The following PMF1 variants were observed in gnomAD, a reference collection of about 807,000 sequenced individuals.
PMF1 encodes the protein polyamine modulated factor 1, also known as polyamine-modulated factor 1.
PMF1 carries 21 observed loss-of-function variants against 26.7 expected under a neutral mutation model. The ratio of observed to expected loss-of-function variants is 0.79; its 90% CI spans 0.56 to 1.13. PMF1 has a LOEUF of 1.13. PMF1 is among the 50% of genes most tolerant of loss of function. The pLI, the probability that PMF1 is intolerant of heterozygous loss-of-function variation, is 0.00. For synonymous variants in PMF1, 105 were observed against 101.0 expected, an observed-to-expected ratio of 1.04 and a Z score of -0.24; for missense variants, 266 against 254.9, an observed-to-expected ratio of 1.04 and a Z score of -0.30.
At chr1:156,236,242 G>T (rs766739777) in intron 3 of PMF1, 46 bp from the exon 4 acceptor site, 1 of 1,567,676 alleles carries the variant, frequency 6.4e-7, no homozygotes. Flanking sequence ...TCTTCCACAA[G>T]GGCCTTCCGC....
intron 1 of PMF1, among the ~76,000 whole-genome samples, chr1:156,216,116 C>T (rs986331480): frequency 1.3e-5 from 2 of 151,948 alleles, no homozygotes; most frequent in Admixed American, 6.6e-5. Flanking sequence ...TTGAGCCTGG[C>T]GCAGTGGCTC....
chr1:156,230,326 T>C (rs1658621999), intron 1 of PMF1, among the ~76,000 whole-genome samples: 1 of 152,268 alleles, frequency 6.6e-6, no homozygotes, highest in African/African-American at 2.4e-5. Context: ...GCTCCCAATT[T>C]AAAGAAGATC....
chr1:156,232,373 T>A lies in PMF1; in HGVS notation c.215T>A (p.Met72Lys), dbSNP rs1425372371. The A allele has an allele frequency of 1.2e-6, 2 of 1,613,994 alleles. No individual in the cohort carries two copies. The highest frequency in any genetic ancestry group is 2.7e-5 in the African/African-American group (2 of 74,952). Residue 72 changes from methionine to lysine, a missense_variant, in exon 2 of 5, where the codon ATG becomes AAG. Physicochemically the swap from Met to Lys is moderately conservative, Grantham distance 95. Transcript: ENST00000368277. ...TGCTTCTACCAGTTGCAGCCTGCGA[T>A]GACACAGCAAATCTATGACAAGTTT... ...YKCFYQLQPA[M>K]TQQIYDKFIA...
intron 1 of PMF1, among the ~76,000 whole-genome samples, chr1:156,217,080 T>G: frequency 4.2e-5 from 6 of 144,226 alleles, no homozygotes; most frequent in South Asian, 2.2e-4. Flanking sequence ...CTGGGGACTG[T>G]GGTGGGGTTG....
intron 1 of PMF1, among the ~76,000 whole-genome samples, chr1:156,214,870 T>G (rs1275734628): frequency 2.0e-5 from 3 of 150,242 alleles, no homozygotes; most frequent in Non-Finnish European, 4.4e-5. Flanking sequence ...ATTATTATTA[T>G]TATTATTATT....
intron 3 of PMF1, among the ~76,000 whole-genome samples, chr1:156,234,410 C>T (rs868240688): frequency 1.3e-5 from 2 of 152,076 alleles, no homozygotes; most frequent in Non-Finnish European, 2.9e-5. Flanking sequence ...TCACCATGTA[C>T]ATCTTACAGG....
intron 1 of PMF1, among the ~76,000 whole-genome samples, chr1:156,228,741 C>T (rs1658528445): frequency 6.6e-6 from 1 of 152,052 alleles, no homozygotes; most frequent in Non-Finnish European, 1.5e-5. Flanking sequence ...CCACAATTAC[C>T]CAGTTTCAAT....
intron 1 of PMF1, 124 bp downstream of exon 1, chr1:156,213,300 C>G (rs1007898008): frequency 1.4e-6 from 2 of 1,389,566 alleles, no homozygotes. Context: ...GGCAGTCGGA[C>G]GAGGCGACCC....
chr1:156,225,280 A>AG (rs1658295709), intron 1 of PMF1, among the ~76,000 whole-genome samples: 1 of 108,456 alleles, frequency 9.2e-6, no homozygotes. Context: ...TCCAGTCCTC[A>AG]GCTTTTTTTT....
At position 156,226,853 on chromosome 1, in the gene PMF1, T is replaced by C. The variant is rs74116804; in HGVS notation, c.162-5467T>C. On this transcript the variant is annotated intron_variant, in intron 1 of 4. Transcript: ENST00000368277. Reference sequence around the variant, plus strand: ...AACCAGTAAAGTTACCCAGTATGCATTGGGTAGCTGGGTGACCTCTTATGT... The same window carrying C: ...AACCAGTAAAGTTACCCAGTATGCACTGGGTAGCTGGGTGACCTCTTATGT... Among the ~76,000 whole-genome samples, 385 of 152,238 alleles carry C rather than the reference T, an allele frequency of 2.5e-3. 3 individuals carry two copies. Among genetic ancestry groups the C allele is most frequent in the African/African-American group, 9.0e-3 (372 of 41,544 alleles).
chr1:156,236,156 A>C, intron 3 of PMF1, 132 bp from the exon 4 acceptor site: 1 of 1,226,214 alleles, frequency 8.2e-7, no homozygotes, highest in Non-Finnish European at 1.1e-6. Flanking sequence ...GAGGGACCAC[A>C]GGAGAGACCT....
chr1:156,228,601 C>T (rs1658520716), intron 1 of PMF1, among the ~76,000 whole-genome samples: 1 of 152,136 alleles, frequency 6.6e-6, no homozygotes, highest in African/African-American at 2.4e-5. Flanking sequence ...TGCTTCACCC[C>T]TGCCCTGGGC....
At chr1:156,217,834 C>T (rs1017302220) in intron 1 of PMF1, among the ~76,000 whole-genome samples, 2 of 152,184 alleles carry the variant, frequency 1.3e-5, no homozygotes, top group South Asian at 2.1e-4. Context: ...CCACCACTTA[C>T]CCATTTCCTA....
chr1:156,214,775 G>A (rs1396869810), intron 1 of PMF1, among the ~76,000 whole-genome samples: 2 of 151,750 alleles, frequency 1.3e-5, no homozygotes, highest in Non-Finnish European at 2.9e-5. Context: ...TAATGAACAG[G>A]TAATGATACC....
chr1:156,226,464 C>T (rs1658377009), intron 1 of PMF1, among the ~76,000 whole-genome samples: 1 of 152,226 alleles, frequency 6.6e-6, no homozygotes, highest in African/African-American at 2.4e-5. Context: ...TGTGCAATTG[C>T]ACACAAGCCT....
intron 1 of PMF1, among the ~76,000 whole-genome samples, chr1:156,216,580 C>A (rs1006982951): frequency 6.6e-6 from 1 of 151,518 alleles, no homozygotes; most frequent in Non-Finnish European, 1.5e-5. Context: ...GCCTGCTGAT[C>A]TCTCGCGCGT....
intron 1 of PMF1, chr1:156,225,666 A>G (rs1473405477): frequency 6.5e-7 from 1 of 1,543,304 alleles, no homozygotes; most frequent in African/African-American, 1.4e-5. Flanking sequence ...ACAGGGGAGG[A>G]AGGCAAGTCC....
intron 1 of PMF1, among the ~76,000 whole-genome samples, chr1:156,223,133 T>A (rs1238326107): frequency 6.6e-6 from 1 of 152,214 alleles, no homozygotes; most frequent in African/African-American, 2.4e-5. Flanking sequence ...AGGGTGGGCA[T>A]GAGTCATCAA....
intron 1 of PMF1, among the ~76,000 whole-genome samples, chr1:156,217,428 A>G (rs1657832222): frequency 6.6e-6 from 1 of 152,118 alleles, no homozygotes; most frequent in African/African-American, 2.4e-5. Flanking sequence ...ATTGTTTTCA[A>G]GATCTAACCA....
Sources: allele counts gnomAD v4.1 joint callset (sites outside exome capture counted in the v4.1 genomes callset), GRCh38; gene constraint gnomAD v4.1.1; transcripts MANE v1.5; gene names NCBI Gene and HGNC (gene_info 2026-07-23, HGNC 2026-07-21).